DOCK5: variants seen among roughly 807,000 people sequenced by gnomAD.
The protein encoded by DOCK5 is dedicator of cytokinesis protein 5.
In DOCK5, 142 loss-of-function variants were observed where a neutral mutation model predicts 251.8. The observed-to-expected ratio is 0.56, with a 90% confidence interval of 0.49 to 0.65. The LOEUF (loss-of-function observed/expected upper bound fraction) is 0.65, where lower values mean the gene tolerates loss of function less well. DOCK5 is among the 30% of genes least tolerant of loss of function. DOCK5 has a pLI of 0.00. For missense variants in DOCK5, 2,111 were observed against 2,312.3 expected, an observed-to-expected ratio of 0.91 and a Z score of 1.79; for synonymous variants, 842 against 835.5, an observed-to-expected ratio of 1.01 and a Z score of -0.13.
intron 13 of DOCK5, among the ~76,000 whole-genome samples, chr8:25,315,541 A>G (rs1805221921): frequency 6.6e-6 from 1 of 152,194 alleles, no homozygotes; most frequent in African/African-American, 2.4e-5. Context: ...TTTTAAAATG[A>G]ATGTTACCTC....
Position 25,292,137 on chromosome 8 carries a change from G to A in DOCK5, c.435G>A (p.Lys145=), listed in dbSNP as rs1194788841. Residue 145 remains lysine (K), a synonymous_variant, in exon 6 of 52, where the codon AAG becomes AAA. Coordinates refer to ENST00000276440, the MANE Select transcript of DOCK5 (RefSeq NM_024940.8). ...TLPKDELAEL[K]KKVTAKIDHG... ...CCAAGGATGAACTGGCAGAGCTCAA[G>A]AAGAAAGTCACAGCCAAAATTGATC... 4 of 1,584,018 alleles carry A rather than the reference G, an allele frequency of 2.5e-6. 1 individual carries two copies. Among genetic ancestry groups the A allele is most frequent in the African/African-American group, 2.7e-5 (2 of 74,138 alleles).
intron 1 of DOCK5, among the ~76,000 whole-genome samples, chr8:25,185,353 T>C (rs1406913650): frequency 6.6e-6 from 1 of 152,316 alleles, no homozygotes; most frequent in East Asian, 1.9e-4. Flanking sequence ...GCACATGGAC[T>C]GGTGCTCATT....
chr8:25,278,526 T>G, intron 4 of DOCK5, 43 bp from the exon 5 acceptor site: 1 of 1,581,806 alleles, frequency 6.3e-7, no homozygotes. Context: ...AAAGCAGTGC[T>G]GATCAGCCTA....
chr8:25,216,197 A>G (rs761663570), intron 1 of DOCK5, among the ~76,000 whole-genome samples: 3,966 of 143,844 alleles, frequency 0.028, 281 homozygotes, highest in South Asian at 0.035. Context: ...GTATATATGT[A>G]TACAATATGT....
chr8:25,259,944 T>C (rs1338289958), intron 2 of DOCK5, among the ~76,000 whole-genome samples: 2 of 152,368 alleles, frequency 1.3e-5, no homozygotes, highest in South Asian at 4.1e-4. Flanking sequence ...TTTCTGCCTT[T>C]GAACTTATTT....
chr8:25,384,458 T>TA (rs1801126441), intron 40 of DOCK5, among the ~76,000 whole-genome samples: 1 of 38,864 alleles, frequency 2.6e-5, no homozygotes, highest in Non-Finnish European at 5.6e-5. Context: ...TTTATTTATT[T>TA]ATTTATTTTT....
chr8:25,304,156 C>T (rs550297175), intron 10 of DOCK5, 99 bp from the exon 11 acceptor site: 483 of 996,728 alleles, frequency 4.8e-4, no homozygotes, highest in Non-Finnish European at 6.7e-4. Flanking sequence ...TACCTTTCTT[C>T]CTGCAGTGTT....
chr8:25,271,478 G>C (rs185318250), intron 3 of DOCK5, among the ~76,000 whole-genome samples: 1 of 152,278 alleles, frequency 6.6e-6, no homozygotes, highest in Admixed American at 6.5e-5. Context: ...ACGCTCTCCT[G>C]TGCTGTGTCC....
At chr8:25,190,869 C>T (rs6989632) in intron 1 of DOCK5, among the ~76,000 whole-genome samples, 88,117 of 145,588 alleles carry the variant, frequency 0.61, 29,950 homozygotes, top group Non-Finnish European at 0.76. Context: ...CTGCAAGCTC[C>T]GCCTCCCGGG....
intron 43 of DOCK5, 108 bp from the exon 44 acceptor site, chr8:25,392,688 A>G (rs1801281860): frequency 2.1e-6 from 2 of 942,210 alleles, no homozygotes; most frequent in Non-Finnish European, 3.3e-6. Flanking sequence ...ATAGAATCTC[A>G]CTTAAGTGAA....
intron 1 of DOCK5, among the ~76,000 whole-genome samples, chr8:25,192,276 G>T (rs976847816): frequency 6.6e-6 from 1 of 152,042 alleles, no homozygotes; most frequent in Non-Finnish European, 1.5e-5. Flanking sequence ...AATCCTTTGG[G>T]TATATACCCA....
At chr8:25,362,452 CTTTTCTTTTCTTTTTTTT>C (rs1314814498) in intron 28 of DOCK5, among the ~76,000 whole-genome samples, 9 of 107,082 alleles carry the variant, frequency 8.4e-5, no homozygotes, top group Non-Finnish European at 3.9e-5. Flanking sequence ...CTTTTCTTTT[CTTTTCTTTTCTTTTTTTT>C]TTTTTTTTTT....
chr8:25,232,610 C>T (rs114596562), intron 1 of DOCK5, among the ~76,000 whole-genome samples: 3,756 of 152,214 alleles, frequency 0.025, 127 homozygotes, highest in African/African-American at 0.079. Flanking sequence ...TGTGTCCTTG[C>T]ATGGTACAAA....
intron 2 of DOCK5, among the ~76,000 whole-genome samples, chr8:25,263,826 C>G (rs1371591737): frequency 6.6e-6 from 1 of 151,872 alleles, no homozygotes; most frequent in Non-Finnish European, 1.5e-5. Flanking sequence ...CCAGGTCACT[C>G]TGCTCCACCC....
intron 1 of DOCK5, among the ~76,000 whole-genome samples, chr8:25,242,017 A>C (rs1416703694): frequency 7.0e-6 from 1 of 142,372 alleles, no homozygotes; most frequent in Non-Finnish European, 1.5e-5. Context: ...GTGGGGGTCT[A>C]GGGGAGGGAT....
At chr8:25,281,511 A>G (rs1383410239) in intron 5 of DOCK5, among the ~76,000 whole-genome samples, 2 of 150,914 alleles carry the variant, frequency 1.3e-5, no homozygotes. Context: ...ATCTCTTAGT[A>G]GTTAAAGGTG....
chr8:25,361,973 CTAAT>C (rs1800690204), intron 28 of DOCK5, among the ~76,000 whole-genome samples: 1 of 152,206 alleles, frequency 6.6e-6, no homozygotes, highest in African/African-American at 2.4e-5. Flanking sequence ...ATTTAGCTAA[CTAAT>C]AAAAATGCCT....
At position 25,295,683 on chromosome 8, in the gene DOCK5, A is replaced by G. The variant is rs1010111528; in HGVS notation, c.471-830A>G. ...GGTCCTTCATAGCAATGTAATAAAC[A>G]GTGAGACCACGCCCACTTGGTCTGT... is the stretch of plus-strand genomic sequence containing the variant. On this transcript the variant is annotated intron_variant, in intron 6 of 51. Coordinates refer to ENST00000276440, the MANE Select transcript of DOCK5 (RefSeq NM_024940.8). 3.9e-5 allele frequency among the ~76,000 whole-genome samples: 6 copies of G among 152,356 alleles called. No individual in the cohort carries two copies. The East Asian group carries it at 7.7e-4, about 20-fold the overall frequency.
chr8:25,282,597 G>A (rs1407712536), intron 5 of DOCK5, among the ~76,000 whole-genome samples: 3 of 152,010 alleles, frequency 2.0e-5, no homozygotes, highest in Non-Finnish European at 4.4e-5. Context: ...AGTGGCTCAC[G>A]CCTGTAATCC....
Sources: allele counts gnomAD v4.1 joint callset (sites outside exome capture counted in the v4.1 genomes callset), GRCh38; gene constraint gnomAD v4.1.1; transcripts MANE v1.5; gene names NCBI Gene and HGNC (gene_info 2026-07-23, HGNC 2026-07-21).